DMD: variants seen among roughly 807,000 people sequenced by gnomAD.
DMD encodes the protein dystrophin.
A neutral mutation model predicts 330.1 loss-of-function variants in DMD; 63 were observed. That is an observed-to-expected ratio of 0.19 (90% confidence interval 0.16 to 0.24). The LOEUF is 0.24. DMD is among the 10% of genes least tolerant of loss of function. DMD has a pLI of 1.00. For synonymous variants in DMD, 1,223 were observed against 959.8 expected, an observed-to-expected ratio of 1.27 and a Z score of -5.07; for missense variants, 3,344 against 2,684.1, an observed-to-expected ratio of 1.25 and a Z score of -5.43.
At chrX:31,512,798 G>C (rs1364136038) in intron 55 of DMD, among the ~76,000 whole-genome samples, 1 of 111,215 alleles carries the variant, frequency 9.0e-6, no homozygotes. Context: ...TTTTGGCTCA[G>C]GATTGACTTG....
rs139690436 is a variant in DMD at position 31,375,628 on chromosome X, T to C, written c.9085-26994A>G. 4.4e-3 allele frequency among the ~76,000 whole-genome samples: 490 copies of C among 111,624 alleles called. 1 individual carries two copies. Among genetic ancestry groups the C allele is most frequent in the Middle Eastern group, 0.019 (4 of 216 alleles). ...AGTCCAAAAAGGAACAAATACTGTA[T>C]AATTCCGCTTACATGATGTTCCTAG... On this transcript the variant is annotated intron_variant, in intron 60 of 78. Coordinates refer to ENST00000357033, the MANE Select transcript of DMD (RefSeq NM_004006.3).
intron 17 of DMD, among the ~76,000 whole-genome samples, chrX:32,541,407 T>C (rs1430365918): frequency 8.9e-6 from 1 of 111,962 alleles, no homozygotes; most frequent in Non-Finnish European, 1.9e-5. Context: ...CTGCATTTAT[T>C]GAATGTTTAC....
At chrX:32,314,895 C>G (rs778196580) in intron 41 of DMD, among the ~76,000 whole-genome samples, 25 of 111,608 alleles carry the variant, frequency 2.2e-4, no homozygotes, top group African/African-American at 8.1e-4. Context: ...ACAACTGATG[C>G]TGGAGAAGAT....
intron 26 of DMD, among the ~76,000 whole-genome samples, chrX:32,453,181 T>C (rs2098341060): frequency 9.0e-6 from 1 of 111,026 alleles, no homozygotes; most frequent in Admixed American, 9.6e-5. Flanking sequence ...TATTGCCTGC[T>C]CCTCACCACA....
intron 45 of DMD, among the ~76,000 whole-genome samples, chrX:31,939,623 A>C (rs1848024643): frequency 9.0e-6 from 1 of 111,059 alleles, no homozygotes; most frequent in Admixed American, 9.6e-5. Flanking sequence ...TTTTTTTTGC[A>C]GAAACCCAAG....
chrX:33,276,716 A>G (rs2053241096), intron 1 of DMD, among the ~76,000 whole-genome samples: 1 of 112,057 alleles, frequency 8.9e-6, no homozygotes, highest in African/African-American at 3.2e-5. Context: ...TATTATATAC[A>G]TGGGATGAAA....
intron 17 of DMD, among the ~76,000 whole-genome samples, chrX:32,538,474 C>T (rs568594510): frequency 6.3e-5 from 7 of 110,837 alleles, no homozygotes; most frequent in East Asian, 5.7e-4. Flanking sequence ...GGCCCCACCC[C>T]TATCTCCCTT....
At chrX:33,242,974 T>A (rs1347388218) in intron 1 of DMD, among the ~76,000 whole-genome samples, 1 of 111,980 alleles carries the variant, frequency 8.9e-6, no homozygotes, top group Non-Finnish European at 1.9e-5. Flanking sequence ...TTTGTTTGTG[T>A]TCATTGTAGA....
intron 1 of DMD, among the ~76,000 whole-genome samples, chrX:33,337,122 C>T (rs780873523): frequency 1.8e-5 from 2 of 111,197 alleles, no homozygotes; most frequent in East Asian, 2.8e-4. Context: ...ATTTAAAGTA[C>T]GCTATCTTCA....
At chrX:31,528,153 ATTTAT>A (rs2073387680) in intron 55 of DMD, among the ~76,000 whole-genome samples, 1 of 111,784 alleles carries the variant, frequency 8.9e-6, no homozygotes, top group Non-Finnish European at 1.9e-5. Context: ...GTCTTGTTTT[ATTTAT>A]TTTATTTCTA....
intron 45 of DMD, among the ~76,000 whole-genome samples, chrX:31,960,208 T>A (rs2095289676): frequency 9.0e-6 from 1 of 111,105 alleles, no homozygotes; most frequent in African/African-American, 3.3e-5. Flanking sequence ...TAAGAATAAC[T>A]TGCATAGCCA....
intron 1 of DMD, among the ~76,000 whole-genome samples, chrX:33,082,744 G>A (rs2094948806): frequency 8.9e-6 from 1 of 112,026 alleles, no homozygotes; most frequent in Non-Finnish European, 1.9e-5. Context: ...ATGGTCACAA[G>A]GTTAAGCTCT....
At chrX:31,378,181 C>A (rs2059980818) in intron 60 of DMD, among the ~76,000 whole-genome samples, 1 of 111,746 alleles carries the variant, frequency 8.9e-6, no homozygotes, top group African/African-American at 3.3e-5. Context: ...AAATTTGGTG[C>A]CATCACTCGG....
chrX:32,533,981 A>T (rs1806738876), intron 17 of DMD, among the ~76,000 whole-genome samples: 1 of 112,036 alleles, frequency 8.9e-6, no homozygotes, highest in African/African-American at 3.3e-5. Context: ...TTAATGCCCC[A>T]CTGCCAGCAT....
intron 44 of DMD, among the ~76,000 whole-genome samples, chrX:32,066,768 T>C (rs908188050): frequency 8.9e-6 from 1 of 111,751 alleles, no homozygotes; most frequent in African/African-American, 3.2e-5. Context: ...GTGACTGGAA[T>C]TACTTCTGTG....
chrX:31,203,034 CA>C, intron 67 of DMD, among the ~76,000 whole-genome samples: 1 of 111,140 alleles, frequency 9.0e-6, no homozygotes, highest in South Asian at 3.8e-4. Flanking sequence ...GTAATCCGAG[CA>C]CTTTGGGAGT....
rs185579487 is a variant in DMD, at chrX:32,906,349, G to C, written c.94-56529C>G. On this transcript the variant is annotated intron_variant, in intron 2 of 78. Transcript: ENST00000357033. ...CCATGATTAGAAGCTTCCTGAGGCC[G>C]CCCCAGAAGCAGAAGCTGCTATGCT... Among the ~76,000 whole-genome samples, 1,092 of 111,672 alleles carry C rather than the reference G, an allele frequency of 9.8e-3. 9 individuals carry two copies. Among genetic ancestry groups the C allele is most frequent in the Non-Finnish European group, 0.013 (695 of 53,110 alleles).
chrX:32,651,412 G>C (rs1200131326), intron 9 of DMD, among the ~76,000 whole-genome samples: 1 of 111,749 alleles, frequency 8.9e-6, no homozygotes, highest in African/African-American at 3.3e-5. Context: ...CAAAGTGCTG[G>C]GATTACAGGT....
At chrX:32,640,919 C>A (rs1449793051) in intron 11 of DMD, among the ~76,000 whole-genome samples, 1 of 111,359 alleles carries the variant, frequency 9.0e-6, no homozygotes, top group Non-Finnish European at 1.9e-5. Flanking sequence ...AGTCTCCTAC[C>A]TATATTTCAA....
Sources: allele counts gnomAD v4.1 joint callset (sites outside exome capture counted in the v4.1 genomes callset), GRCh38; gene constraint gnomAD v4.1.1; transcripts MANE v1.5; gene names NCBI Gene and HGNC (gene_info 2026-07-23, HGNC 2026-07-21).